ABCC2: variants seen among roughly 807,000 people sequenced by gnomAD.
ABCC2 encodes ATP binding cassette subfamily C member 2.
In ABCC2, 157 loss-of-function variants were observed where a neutral mutation model predicts 173.4. The observed-to-expected ratio is 0.91, with a 90% CI of 0.80 to 1.03. ABCC2 has a LOEUF of 1.03. ABCC2 is among the 50% of genes least tolerant of loss of function. The probability of loss-of-function intolerance (pLI) is 0.00; values close to 1 mark genes in which losing one functional copy is unlikely to be tolerated. For missense variants in ABCC2, 1,822 were observed against 1,852.3 expected (o/e 0.98, Z 0.30); for synonymous variants, 657 against 693.5 (o/e 0.95, Z 0.83).
Position 99,804,062 on chromosome 10 carries a change from G to GCCA in ABCC2, c.1253_1254insCCA (p.Gly418_Glu419insGln). On this transcript the variant is annotated inframe_insertion, in exon 10 of 32. Transcript: ENST00000647814. ...TTGGCCAGGAAGGAGTACACCGTTG[G>GCCA]AGAAACAGTGAACCTGATGTCTGTG... 6.2e-7 allele frequency: 1 copy of GCCA among 1,614,122 alleles called. No individual in the cohort carries two copies. Among genetic ancestry groups the GCCA allele is most frequent in the South Asian group, 1.1e-5 (1 of 91,080 alleles).
chr10:99,803,988 C>A (rs1374217778), intron 9 of ABCC2, 31 bp from the exon 10 acceptor site: 2 of 1,613,940 alleles, frequency 1.2e-6, no homozygotes, highest in Non-Finnish European at 1.7e-6. Context: ...TGGCTTTGTC[C>A]ATGGGTCCTA....
chr10:99,831,199 T>G (rs2038731563), intron 21 of ABCC2, among the ~76,000 whole-genome samples: 1 of 152,140 alleles, frequency 6.6e-6, no homozygotes, highest in African/African-American at 2.4e-5. Flanking sequence ...AACCCCATCA[T>G]CTGTTCCACT....
Position 99,819,216 on chromosome 10 carries a change from C to A in ABCC2, c.2567C>A (p.Ala856Asp). Residue 856 changes from alanine to aspartate, a missense_variant, in exon 19 of 32, where the codon GCT becomes GAT. Transcript: ENST00000647814. ...CTCCTGGCCAAAAAAGGAGAGTTTG[C>A]TAAGAATCTGAAGACATTTCTAAGA... ...SALLAKKGEF[A>D]KNLKTFLRHT... The A allele has an allele frequency of 6.2e-7, 1 of 1,614,068 alleles. No individual in the cohort carries two copies. Among genetic ancestry groups the A allele is most frequent in the Non-Finnish European group, 8.5e-7 (1 of 1,180,010 alleles).
At chr10:99,822,449 G>T (rs541999897) in intron 19 of ABCC2, among the ~76,000 whole-genome samples, 1 of 151,848 alleles carries the variant, frequency 6.6e-6, no homozygotes, top group African/African-American at 2.4e-5. Context: ...CTCCGCGGAG[G>T]TGCTTTTCTT....
At chr10:99,811,289 C>G (rs912196610) in intron 14 of ABCC2, among the ~76,000 whole-genome samples, 22 of 151,870 alleles carry the variant, frequency 1.4e-4, no homozygotes, top group African/African-American at 5.1e-4. Flanking sequence ...AAGATTGCAC[C>G]ACTGCACTCC....
Position 99,846,998 on chromosome 10 carries a change from T to A in ABCC2, c.4184T>A (p.Leu1395His), listed in dbSNP as rs754805706. The A allele has an allele frequency of 6.2e-7, 1 of 1,614,196 alleles. No individual in the cohort carries two copies. The highest frequency in any genetic ancestry group is 8.5e-7 in the Non-Finnish European group (1 of 1,180,022). ...ILFSGSLRMNLDPFNNYSDEE... is the reference protein window; with the variant it reads ...ILFSGSLRMNHDPFNNYSDEE... ...TTCTCTGGAAGCCTGAGGATGAATC[T>A]CGACCCTTTCAACAACTACTCAGAT... is the stretch of plus-strand genomic sequence containing the variant. The change falls in exon 30 of 32, where the codon CTC (leucine) becomes CAC (histidine). Residue 1395 changes from leucine (L) to histidine (H), a missense_variant. Leu to His is a moderately conservative substitution (Grantham distance 99). Coordinates refer to ENST00000647814, the MANE Select transcript of ABCC2 (RefSeq NM_000392.5).
rs1305598262 is a variant in ABCC2 at position 99,800,547 on chromosome 10, C to A, written c.1193C>A (p.Ala398Asp). 6.2e-7 allele frequency: 1 copy of A among 1,614,030 alleles called. No individual in the cohort carries two copies. The highest frequency in any genetic ancestry group is 8.5e-7 in the Non-Finnish European group (1 of 1,180,030). Residue 398 changes from alanine (A) to aspartate (D), a missense_variant, in exon 9 of 32, where the codon GCT becomes GAT. By Grantham distance (126) the Ala-to-Asp change is moderately radical (BLOSUM62 -2). Coordinates refer to ENST00000647814, the MANE Select transcript of ABCC2 (RefSeq NM_000392.5). ...LGVKVRTAIM[A>D]SVYKKALTLS... ...GTAAAAGTACGGACAGCTATCATGG[C>A]TTCTGTATATAAGAAGGTAAGCAGA...
chr10:99,818,992 G>A, intron 18 of ABCC2, 35 bp downstream of exon 18: 1 of 1,612,496 alleles, frequency 6.2e-7, no homozygotes, highest in Non-Finnish European at 8.5e-7. Context: ...AGATATAAAG[G>A]TGGGGTGGGA....
intron 2 of ABCC2, chr10:99,789,185 A>G (rs1403408329): frequency 1.3e-5 from 2 of 152,182 alleles, no homozygotes; most frequent in African/African-American, 2.4e-5. Context: ...AGAAATGTGT[A>G]GTTTTACTCT....
intron 16 of ABCC2, among the ~76,000 whole-genome samples, chr10:99,814,156 TAC>T (rs1203159831): frequency 1.7e-4 from 5 of 30,108 alleles, no homozygotes; most frequent in African/African-American, 6.7e-4. Context: ...CATGTATGTA[TAC>T]ACACGTATAT....
In ABCC2 at chr10:99,812,917, T is replaced by C. The variant is rs2038241295; in HGVS notation, c.1968-101T>C. ...CAAATTTTCCAATCTTGAGGGGAAATCTCCTGATACCAGACTTCATGGAGA... is the reference window on the plus strand; with the variant it reads ...CAAATTTTCCAATCTTGAGGGGAAACCTCCTGATACCAGACTTCATGGAGA... On this transcript the variant is annotated intron_variant, in intron 15 of 31. Transcript: ENST00000647814. 4.0e-6 allele frequency: 6 copies of C among 1,503,610 alleles called. No homozygotes were observed. In the Admixed American group the frequency reaches 1.0e-4, roughly 25 times the overall value. The allele number at this position is 1,503,610 out of a possible 1,614,324, so 93.1% of individuals were successfully genotyped here.
chr10:99,827,892 C>G (rs2133104562), intron 19 of ABCC2, among the ~76,000 whole-genome samples: 1 of 134,736 alleles, frequency 7.4e-6, no homozygotes, highest in Non-Finnish European at 1.6e-5. Flanking sequence ...CTCTCGTCGA[C>G]TTGTGCTCAA....
intron 13 of ABCC2, among the ~76,000 whole-genome samples, chr10:99,808,609 G>A (rs2038155690): frequency 6.6e-6 from 1 of 152,080 alleles, no homozygotes; most frequent in South Asian, 2.1e-4. Flanking sequence ...AGGGAGAAGA[G>A]AGACCCTCCC....
In ABCC2 at chr10:99,843,872, T is replaced by C. The variant is rs886046620; in HGVS notation, c.3815T>C (p.Ile1272Thr). 3.1e-6 allele frequency: 5 copies of C among 1,614,128 alleles called. No individual in the cohort carries two copies. Among genetic ancestry groups the C allele is most frequent in the Middle Eastern group, 1.6e-4 (1 of 6,062 alleles). Residue 1272 changes from isoleucine (I) to threonine (T), a missense_variant, in exon 27 of 32, where the codon ATA becomes ACA. Coordinates refer to ENST00000647814, the MANE Select transcript of ABCC2 (RefSeq NM_000392.5). ...IETNIVAVER[I>T]TEYTKVENEA... ...ACCAACATTGTGGCTGTTGAGCGAATAACTGAGTACACAAAAGTGGAAAAT... is the reference window on the plus strand; with the variant it reads ...ACCAACATTGTGGCTGTTGAGCGAACAACTGAGTACACAAAAGTGGAAAAT...
chr10:99,814,353 A>G lies in ABCC2; in HGVS notation c.2094+1209A>G, dbSNP rs561946365. Among the ~76,000 whole-genome samples the G allele has an allele frequency of 1.1e-3, 145 of 131,588 alleles. 10 individuals are homozygous for G. The highest frequency in any genetic ancestry group is 2.4e-3 in the South Asian group (10 of 4,090). 86.3% of individuals were successfully genotyped at this position (131,588 alleles called of 152,430 possible). A position where few individuals can be genotyped will look rare whatever the true frequency, so the allele number is the denominator to read the frequency against. On this transcript the variant is annotated intron_variant, in intron 16 of 31. Coordinates refer to ENST00000647814, the MANE Select transcript of ABCC2 (RefSeq NM_000392.5). ...TACACACATGTATATATACACACGTATGTATACACACATGTATATATACAC... is the reference window on the plus strand; with the variant it reads ...TACACACATGTATATATACACACGTGTGTATACACACATGTATATATACAC...
intron 31 of ABCC2, among the ~76,000 whole-genome samples, chr10:99,851,111 C>T (rs2039083093): frequency 1.3e-5 from 2 of 152,202 alleles, no homozygotes; most frequent in African/African-American, 4.8e-5. Flanking sequence ...CCTAACTGTC[C>T]TGAGCCTCAG....
At chr10:99,796,967 C>A in intron 6 of ABCC2, 130 bp from the exon 7 acceptor site, 1 of 805,550 alleles carries the variant, frequency 1.2e-6, no homozygotes. Context: ...TTCAAAGGGC[C>A]AGGAGATGGG....
Position 99,794,418 on chromosome 10 carries a change from A to G in ABCC2, c.582A>G (p.Pro194=). 6.2e-7 allele frequency: 1 copy of G among 1,613,984 alleles called. No individual in the cohort carries two copies. Among genetic ancestry groups the G allele is most frequent in the Non-Finnish European group, 8.5e-7 (1 of 1,179,898 alleles). Residue 194 remains proline, a synonymous_variant, in exon 6 of 32, where the codon CCA becomes CCG. Transcript: ENST00000647814. ...GATTTTTTTGTGTCTTTCAGAATCCATCATCCATAGCTTCATTCCTGAGTA... is the reference window on the plus strand; with the variant it reads ...GATTTTTTTGTGTCTTTCAGAATCCGTCATCCATAGCTTCATTCCTGAGTA... The part of the protein sequence containing the change: ...FSENNESSNN[P]SSIASFLSSI...
chr10:99,818,649 T>C, intron 17 of ABCC2, 141 bp from the exon 18 acceptor site: 1 of 790,172 alleles, frequency 1.3e-6, no homozygotes, highest in East Asian at 2.7e-5. Flanking sequence ...ATCAGTTCTT[T>C]ATTTGTATAA....
Sources: allele counts gnomAD v4.1 joint callset (sites outside exome capture counted in the v4.1 genomes callset), GRCh38; gene constraint gnomAD v4.1.1; transcripts MANE v1.5; gene names NCBI Gene and HGNC (gene_info 2026-07-23, HGNC 2026-07-21).